Variants in LRCH1 observed in about 807,000 individuals in gnomAD.
LRCH1 encodes the protein leucine-rich repeat and calponin homology domain-containing protein 1.
Under a neutral mutation model 94.9 loss-of-function variants are expected in LRCH1, and 23 were observed. The ratio of observed to expected loss-of-function variants is 0.24; its 90% CI spans 0.17 to 0.34. LRCH1 has a LOEUF of 0.34. Ranked by LOEUF, LRCH1 falls within the 10% of genes least tolerant of loss-of-function variation. The pLI, the probability that LRCH1 is intolerant of heterozygous loss-of-function variation, is 1.00. For synonymous variants in LRCH1, 364 were observed against 354.9 expected (o/e 1.03, Z -0.29); for missense variants, 790 against 945.9 (o/e 0.84, Z 2.16).
Position 46,703,205 on chromosome 13 carries a change from G to A in LRCH1, c.1401-1863G>A, listed in dbSNP as rs149028114. ...TCATACATGTATGTTAGTACATGTAGGCATGTGCACCCGTGTACATGTATT... is the reference window on the plus strand; with the variant it reads ...TCATACATGTATGTTAGTACATGTAAGCATGTGCACCCGTGTACATGTATT... On this transcript the variant is annotated intron_variant, in intron 11 of 19. Transcript: ENST00000389797. Among the ~76,000 whole-genome samples the A allele has an allele frequency of 3.3e-4, 51 of 152,280 alleles. 1 individual carries two copies. The highest frequency in any genetic ancestry group is 1.2e-3 in the African/African-American group (48 of 41,550).
intron 8 of LRCH1, among the ~76,000 whole-genome samples, chr13:46,693,691 C>T (rs1326676087): frequency 1.3e-5 from 2 of 152,158 alleles, no homozygotes; most frequent in African/African-American, 4.8e-5. Context: ...GTCTTGTGTG[C>T]CTTCAAGATC....
chr13:46,566,102 G>C (rs2050181029), intron 1 of LRCH1, among the ~76,000 whole-genome samples: 1 of 151,996 alleles, frequency 6.6e-6, no homozygotes, highest in Non-Finnish European at 1.5e-5. Context: ...TCTTGTCATT[G>C]ATTTAAAAGC....
intron 13 of LRCH1, among the ~76,000 whole-genome samples, chr13:46,710,976 C>T (rs1350940771): frequency 6.6e-6 from 1 of 152,090 alleles, no homozygotes; most frequent in Admixed American, 6.5e-5. Context: ...TCTTCACTGT[C>T]TCTGTGGACC....
rs1266478263 is a variant in LRCH1, at chr13:46,723,313, G to A, written c.1852G>A (p.Val618Met). The A allele has an allele frequency of 9.3e-6, 15 of 1,610,892 alleles. No homozygotes were observed. Among genetic ancestry groups the A allele is most frequent in the Non-Finnish European group, 1.3e-5 (15 of 1,177,074 alleles). Residue 618 changes from valine (V) to methionine (M), a missense_variant, in exon 17 of 20, where the codon GTG becomes ATG. Transcript: ENST00000389797. Reference sequence around the variant, plus strand: ...GCAGATGAGAGAAGAGAAAGAGCTGGTGGAACAACTTCGTGAGGTACCCAA... The same window carrying A: ...GCAGATGAGAGAAGAGAAAGAGCTGATGGAACAACTTCGTGAGGTACCCAA... ...MEQMREEKEL[V>M]EQLRESIEMR...
chr13:46,676,835 T>TG (rs2051680562), intron 3 of LRCH1, among the ~76,000 whole-genome samples: 1 of 152,148 alleles, frequency 6.6e-6, no homozygotes, highest in Non-Finnish European at 1.5e-5. Flanking sequence ...TGGAATGCAG[T>TG]GCCATGGTCA....
intron 1 of LRCH1, among the ~76,000 whole-genome samples, chr13:46,611,708 C>T (rs1228864012): frequency 6.6e-6 from 1 of 152,000 alleles, no homozygotes; most frequent in Non-Finnish European, 1.5e-5. Flanking sequence ...GAATAATATA[C>T]AATAAGTAAT....
intron 1 of LRCH1, among the ~76,000 whole-genome samples, chr13:46,619,342 C>G (rs2050853481): frequency 6.6e-6 from 1 of 152,124 alleles, no homozygotes; most frequent in Admixed American, 6.5e-5. Flanking sequence ...GACTCTTGGC[C>G]TCAAGTGATC....
Position 46,553,224 on chromosome 13 carries a change from GCCTCC to G in LRCH1, c.-170_-166del. 5.4e-6 allele frequency: 3 copies of G among 558,762 alleles called. No individual in the cohort carries two copies. Among genetic ancestry groups the G allele is most frequent in the Non-Finnish European group, 9.5e-6 (3 of 317,144 alleles). 34.6% of individuals were successfully genotyped at this position (558,762 alleles called of 1,614,324 possible). A position where few individuals can be genotyped will look rare whatever the true frequency, so the allele number is the denominator to read the frequency against. ...CCTTCAAGACCGAGCTGCCACGGCC[GCCTCC>G]CCGCCCGCCCCCCATTCTACGCGCC... On this transcript the variant is annotated 5_prime_UTR_variant, in exon 1 of 20. Transcript: ENST00000389797.
chr13:46,637,138 T>G (rs1193411108), intron 1 of LRCH1, among the ~76,000 whole-genome samples: 2 of 152,326 alleles, frequency 1.3e-5, no homozygotes, highest in East Asian at 3.9e-4. Context: ...GGAATCATAA[T>G]TGACTACTCT....
chr13:46,598,199 C>G (rs2050586248), intron 1 of LRCH1, among the ~76,000 whole-genome samples: 1 of 152,166 alleles, frequency 6.6e-6, no homozygotes, highest in Admixed American at 6.5e-5. Flanking sequence ...GTTTCTGAGG[C>G]ATTTTCTGAG....
At chr13:46,663,708 G>A (rs532731803) in intron 2 of LRCH1, among the ~76,000 whole-genome samples, 46 of 152,308 alleles carry the variant, frequency 3.0e-4, no homozygotes, top group African/African-American at 9.9e-4. Flanking sequence ...ACTGTAGGTC[G>A]AGTGCCAAGC....
intron 1 of LRCH1, among the ~76,000 whole-genome samples, chr13:46,572,943 C>T (rs2050256685): frequency 6.6e-6 from 1 of 152,102 alleles, no homozygotes; most frequent in African/African-American, 2.4e-5. Context: ...CATCTACTGG[C>T]CCAGTGACCT....
intron 1 of LRCH1, among the ~76,000 whole-genome samples, chr13:46,645,799 A>G (rs1053209076): frequency 6.6e-6 from 1 of 152,230 alleles, no homozygotes. Context: ...TCTTGCTTAA[A>G]GAAACATTGG....
At chr13:46,715,882 T>C (rs1872296359) in intron 16 of LRCH1, among the ~76,000 whole-genome samples, 1 of 152,152 alleles carries the variant, frequency 6.6e-6, no homozygotes, top group African/African-American at 2.4e-5. Flanking sequence ...CTATTCTGGA[T>C]TTGGGGAAGG....
At chr13:46,588,084 T>G (rs572919221) in intron 1 of LRCH1, among the ~76,000 whole-genome samples, 2 of 152,202 alleles carry the variant, frequency 1.3e-5, no homozygotes, top group Non-Finnish European at 2.9e-5. Flanking sequence ...CATATATCTC[T>G]GACAGAATTG....
intron 1 of LRCH1, among the ~76,000 whole-genome samples, chr13:46,637,848 C>T (rs567804828): frequency 5.3e-5 from 8 of 152,366 alleles, no homozygotes; most frequent in African/African-American, 1.9e-4. Context: ...CCAGCGTTCG[C>T]TGGATTTGCC....
chr13:46,592,825 A>G (rs2050515401), intron 1 of LRCH1, among the ~76,000 whole-genome samples: 1 of 152,048 alleles, frequency 6.6e-6, no homozygotes, highest in Non-Finnish European at 1.5e-5. Context: ...GCCCCGTCTT[A>G]CCTCTTTAGA....
chr13:46,604,480 G>A lies in LRCH1; in HGVS notation c.308-45721G>A, dbSNP rs555418285. Among the ~76,000 whole-genome samples, 4 of 152,284 alleles carry A rather than the reference G, an allele frequency of 2.6e-5. No homozygotes were observed. The South Asian group carries it at 6.2e-4, about 24-fold the overall frequency. On this transcript the variant is annotated intron_variant, in intron 1 of 19. Coordinates refer to ENST00000389797, the MANE Select transcript of LRCH1 (RefSeq NM_001164211.2). ...AATTAATTCTGAAGGAACACACTGG[G>A]CCAGAGTCCTAGAACAGTTTACTTA...
intron 1 of LRCH1, among the ~76,000 whole-genome samples, chr13:46,580,087 C>T (rs1193497075): frequency 6.6e-6 from 1 of 152,206 alleles, no homozygotes. Flanking sequence ...AGCCCAAGAC[C>T]TCTTTATAAC....
Sources: gnomAD v4.1 joint callset for allele counts (sites outside exome capture counted in the v4.1 genomes callset) on GRCh38, gnomAD v4.1.1 for gene constraint, MANE v1.5 for transcripts, NCBI Gene and HGNC (gene_info 2026-07-23, HGNC 2026-07-21) for gene names.